Variants in FAM117A observed in about 807,000 individuals in gnomAD.
FAM117A encodes the protein family with sequence similarity 117 member A.
FAM117A carries 21 observed loss-of-function variants against 44.1 expected under a neutral mutation model. The ratio of observed to expected loss-of-function variants is 0.48; its 90% CI spans 0.34 to 0.69. The LOEUF (loss-of-function observed/expected upper bound fraction) is 0.69. Among genes scored for constraint, FAM117A ranks in the 30% least tolerant of loss-of-function variants. The probability of loss-of-function intolerance (pLI) is 0.01; values close to 1 mark genes in which losing one functional copy is unlikely to be tolerated. For missense variants in FAM117A, 498 were observed against 589.9 expected (o/e 0.84, Z 1.61); for synonymous variants, 220 against 238.3 (o/e 0.92, Z 0.71).
intron 1 of FAM117A, among the ~76,000 whole-genome samples, chr17:49,787,934 G>C (rs1432908132): frequency 2.0e-5 from 3 of 152,140 alleles, no homozygotes; most frequent in African/African-American, 4.8e-5. Context: ...TCTGACTCTG[G>C]TACTGCATTC....
At chr17:49,788,954 C>T (rs1429005095), upstream of FAM117A, 4 of 1,089,992 alleles carry the variant, frequency 3.7e-6, no homozygotes, top group Admixed American at 3.1e-5. Flanking sequence ...ACTTTCCGCT[C>T]CCCCGAACCT....
intron 7 of FAM117A, 38 bp from the exon 8 acceptor site, chr17:49,711,593 C>T (rs1399052535): frequency 6.3e-7 from 1 of 1,590,192 alleles, no homozygotes; most frequent in Non-Finnish European, 8.6e-7. Context: ...CACATACGTA[C>T]ACACAGAGAG....
chr17:49,715,836 A>G (rs989409096), intron 7 of FAM117A, among the ~76,000 whole-genome samples: 2 of 152,124 alleles, frequency 1.3e-5, no homozygotes, highest in Non-Finnish European at 2.9e-5. Flanking sequence ...CTCTCTGATT[A>G]TGGTCTAGCA....
intron 1 of FAM117A, among the ~76,000 whole-genome samples, chr17:49,756,775 G>T (rs1182892640): frequency 6.6e-6 from 1 of 152,038 alleles, no homozygotes; most frequent in Non-Finnish European, 1.5e-5. Flanking sequence ...AATTATCTGG[G>T]CGTGGTGGCA....
At chr17:49,749,406 C>A (rs987121074) in intron 1 of FAM117A, among the ~76,000 whole-genome samples, 5 of 151,868 alleles carry the variant, frequency 3.3e-5, no homozygotes, top group African/African-American at 1.2e-4. Flanking sequence ...GAAACCCCAT[C>A]TCTACTAAAA....
Position 49,769,573 on chromosome 17 carries a change from G to A in FAM117A, c.-621+18924C>T, listed in dbSNP as rs192466627. Reference sequence around the variant, plus strand: ...AAATTAGCCGGGCATGGTGGCGGGCGCCTGTAGTCCCAGCTACTCTACTCG... The same window carrying A: ...AAATTAGCCGGGCATGGTGGCGGGCACCTGTAGTCCCAGCTACTCTACTCG... On this transcript the variant is annotated intron_variant, in intron 1 of 7. Transcript: ENST00000513602. Among the ~76,000 whole-genome samples the A allele has an allele frequency of 4.4e-3, 674 of 151,728 alleles. 6 individuals carry two copies. Among genetic ancestry groups the A allele is most frequent in the African/African-American group, 0.014 (595 of 41,392 alleles).
chr17:49,728,423 T>C (rs567424754), intron 2 of FAM117A, among the ~76,000 whole-genome samples: 3 of 151,708 alleles, frequency 2.0e-5, no homozygotes, highest in Non-Finnish European at 4.4e-5. Context: ...TTTTTTTTTT[T>C]CTAAAGGGTA....
intron 1 of FAM117A, among the ~76,000 whole-genome samples, chr17:49,743,922 C>A (rs930625680): frequency 6.6e-6 from 1 of 151,400 alleles, no homozygotes; most frequent in African/African-American, 2.4e-5. Context: ...CAGTGAGACC[C>A]TGTCTTAAAA....
chr17:49,741,750 C>T (rs1000409348), intron 1 of FAM117A, among the ~76,000 whole-genome samples: 6 of 152,220 alleles, frequency 3.9e-5, no homozygotes, highest in African/African-American at 1.4e-4. Flanking sequence ...GGAAGTTCCT[C>T]CTAGCAGCCT....
chr17:49,738,792 G>A (rs2073621133), intron 1 of FAM117A, among the ~76,000 whole-genome samples: 1 of 152,196 alleles, frequency 6.6e-6, no homozygotes, highest in Non-Finnish European at 1.5e-5. Context: ...TAGGAAATAA[G>A]GGAGGGGACT....
At chr17:49,722,726 C>G in intron 2 of FAM117A, 132 bp from the exon 3 acceptor site, 1 of 674,108 alleles carries the variant, frequency 1.5e-6, no homozygotes, top group Non-Finnish European at 2.6e-6. Context: ...TGAACACTCC[C>G]AGTCGGTGTT....
In FAM117A at chr17:49,763,998, G is replaced by A; in HGVS notation, c.90C>T (p.Pro30=). ...CCCGGGGGGAGCCGGCGGGGGCTGG[G>A]GGAGAGCAGCCCCGCCGGAGCCCCC... ...GAGGLRRGCS[P]PAPAGSPRAG... Residue 30 remains proline (P), a synonymous_variant, in exon 1 of 8, where the codon CCC becomes CCT. Coordinates refer to ENST00000240364, the MANE Select transcript of FAM117A (RefSeq NM_030802.4). 2 of 1,212,846 alleles carry A rather than the reference G, an allele frequency of 1.6e-6. No homozygotes were observed. The highest frequency in any genetic ancestry group is 1.6e-5 in the African/African-American group (1 of 63,628). 75.1% of individuals were successfully genotyped at this position (1,212,846 alleles called of 1,614,324 possible).
At chr17:49,754,641 T>C (rs2143773965) in intron 1 of FAM117A, among the ~76,000 whole-genome samples, 1 of 150,856 alleles carries the variant, frequency 6.6e-6, no homozygotes, top group South Asian at 2.1e-4. Flanking sequence ...GAGTGTGGGG[T>C]AGAGAGGAGA....
intron 2 of FAM117A, among the ~76,000 whole-genome samples, chr17:49,724,726 C>T (rs1285911717): frequency 6.7e-6 from 1 of 149,412 alleles, no homozygotes; most frequent in Non-Finnish European, 1.5e-5. Context: ...GTAGCTGAGG[C>T]ACGAGAATTG....
chr17:49,787,988 C>T (rs2143816386), intron 1 of FAM117A, among the ~76,000 whole-genome samples: 1 of 152,292 alleles, frequency 6.6e-6, no homozygotes, highest in Middle Eastern at 3.4e-3. Flanking sequence ...CCCCAGTGGT[C>T]TCAAACCCAA....
At chr17:49,769,938 G>A (rs1442893333) in intron 1 of FAM117A, among the ~76,000 whole-genome samples, 1 of 151,858 alleles carries the variant, frequency 6.6e-6, no homozygotes, top group African/African-American at 2.4e-5. Flanking sequence ...CAGGACTTCT[G>A]GATCCCGTTC....
chr17:49,719,225 C>T (rs1016017841), intron 5 of FAM117A, among the ~76,000 whole-genome samples: 3 of 151,932 alleles, frequency 2.0e-5, no homozygotes, highest in African/African-American at 7.3e-5. Flanking sequence ...CGCGCCACTG[C>T]ACCCCAGCCT....
At chr17:49,715,725 C>T (rs2073499302) in intron 7 of FAM117A, among the ~76,000 whole-genome samples, 1 of 152,096 alleles carries the variant, frequency 6.6e-6, no homozygotes, top group South Asian at 2.1e-4. Context: ...TGTTTAGGCC[C>T]CCCATTCTAC....
chr17:49,764,427 T>A (rs1023293139), upstream of FAM117A, among the ~76,000 whole-genome samples: 5 of 152,032 alleles, frequency 3.3e-5, no homozygotes, highest in Admixed American at 3.3e-4. Flanking sequence ...TAGGGGAGCG[T>A]CACACCCAGT....
Sources: gnomAD v4.1 joint callset for allele counts (sites outside exome capture counted in the v4.1 genomes callset) on GRCh38, gnomAD v4.1.1 for gene constraint, MANE v1.5 for transcripts, NCBI Gene and HGNC (gene_info 2026-07-23, HGNC 2026-07-21) for gene names.